The following CRYBG1 variants were observed in gnomAD, a reference collection of about 807,000 sequenced individuals.
CRYBG1 encodes the protein beta/gamma crystallin domain-containing protein 1.
A neutral mutation model predicts 189.2 loss-of-function variants in CRYBG1; 139 were observed. The observed-to-expected ratio is 0.73, with a 90% CI of 0.64 to 0.85. CRYBG1 has a LOEUF of 0.85. CRYBG1 is among the 40% of genes least tolerant of loss of function. The pLI is 0.00. For missense variants in CRYBG1, 2,611 were observed against 2,675.8 expected (o/e 0.98, Z 0.53); for synonymous variants, 1,023 against 1,017.1 (o/e 1.01, Z -0.11).
chr6:106,542,957 T>C (rs1451252568), intron 10 of CRYBG1, among the ~76,000 whole-genome samples: 1 of 150,258 alleles, frequency 6.7e-6, no homozygotes. Flanking sequence ...CCTAGTTAAT[T>C]TTTTAAAATA....
chr6:106,401,080 CT>C (rs1048068379), intron 1 of CRYBG1, among the ~76,000 whole-genome samples: 3 of 152,140 alleles, frequency 2.0e-5, no homozygotes, highest in Admixed American at 6.5e-5. Context: ...CATCCAATGG[CT>C]TTTGGGTCAT....
chr6:106,484,598 G>A (rs1347113918), intron 2 of CRYBG1, among the ~76,000 whole-genome samples: 3 of 152,164 alleles, frequency 2.0e-5, no homozygotes, highest in African/African-American at 7.2e-5. Context: ...GGGATTACAG[G>A]TGTGAGCCAC....
At chr6:106,404,120 A>C (rs1237307081) in intron 1 of CRYBG1, among the ~76,000 whole-genome samples, 1 of 152,220 alleles carries the variant, frequency 6.6e-6, no homozygotes, top group Non-Finnish European at 1.5e-5. Flanking sequence ...TTTTCACAGC[A>C]AGCTATGGAG....
intron 2 of CRYBG1, among the ~76,000 whole-genome samples, chr6:106,471,019 A>C (rs1772223566): frequency 1.3e-5 from 2 of 152,212 alleles, no homozygotes; most frequent in African/African-American, 4.8e-5. Context: ...AAATAACCCA[A>C]ATACACATTG....
At position 106,512,950 on chromosome 6, in the gene CRYBG1, C is replaced by T. The variant is rs139264421; in HGVS notation, c.1833C>T (p.Ala611=). Residue 611 remains alanine (A), a synonymous_variant, in exon 3 of 22, where the codon GCC becomes GCT. Coordinates refer to ENST00000633556, the MANE Select transcript of CRYBG1 (RefSeq NM_001371242.2). ...GGRSRELGRA[A]GAPGASDADG... is the part of the protein sequence containing the mutation. The stretch of plus-strand genomic sequence containing the variant: ...GAAGCAGAGAGCTGGGCAGAGCGGC[C>T]GGAGCGCCTGGAGCTTCTGACGCCG... The T allele has an allele frequency of 3.4e-5, 54 of 1,610,686 alleles. No individual in the cohort carries two copies. In the African/African-American group the frequency reaches 4.9e-4, roughly 15 times the overall value.
At chr6:106,507,594 G>T (rs1330156486) in intron 2 of CRYBG1, among the ~76,000 whole-genome samples, 27 of 152,234 alleles carry the variant, frequency 1.8e-4, no homozygotes, top group Non-Finnish European at 1.2e-4. Flanking sequence ...TGGGTCTGTG[G>T]CTTCCCATCC....
intron 8 of CRYBG1, among the ~76,000 whole-genome samples, chr6:106,537,127 T>C (rs1774022479): frequency 6.6e-6 from 1 of 152,216 alleles, no homozygotes; most frequent in East Asian, 1.9e-4. Context: ...TCCATGAATG[T>C]TATGCAACTA....
In CRYBG1 at chr6:106,563,770, G is replaced by C; in HGVS notation, c.6145G>C (p.Glu2049Gln). The part of the protein sequence containing the change: ...QEGCIKCRIA[E>Q]DCCLTIVGSL... Reference sequence around the variant, plus strand: ...GGTCTTTTCCACTGAGCAGATAGCAGAAGACTGCTGCCTGACGATTGTGGG... The same window carrying C: ...GGTCTTTTCCACTGAGCAGATAGCACAAGACTGCTGCCTGACGATTGTGGG... The change falls in exon 21 of 22, where the codon GAA becomes CAA. Residue 2049 changes from glutamate to glutamine, a missense_variant. Physicochemically the swap from Glu to Gln is conservative, Grantham distance 29 (BLOSUM62 2). Coordinates refer to ENST00000633556, the MANE Select transcript of CRYBG1 (RefSeq NM_001371242.2). The C allele has an allele frequency of 6.2e-7, 1 of 1,606,244 alleles. No individual in the cohort carries two copies. The highest frequency in any genetic ancestry group is 8.5e-7 in the Non-Finnish European group (1 of 1,173,242).
At chr6:106,557,823 A>T (rs1774591372) in intron 17 of CRYBG1, among the ~76,000 whole-genome samples, 1 of 152,230 alleles carries the variant, frequency 6.6e-6, no homozygotes. Flanking sequence ...AATTTGAAAA[A>T]ACAGGCATAA....
At position 106,525,196 on chromosome 6, in the gene CRYBG1, G is replaced by A. The variant is rs370047327; in HGVS notation, c.4293+16G>A. ...ACCTGGAAAGGTAAGATTATTTTCTGTTTCTAGTCTTGATTCTATTTTGGT... is the reference window on the plus strand; with the variant it reads ...ACCTGGAAAGGTAAGATTATTTTCTATTTCTAGTCTTGATTCTATTTTGGT... On this transcript the variant is annotated intron_variant, in intron 5 of 21. Transcript: ENST00000633556. 36 of 1,613,944 alleles carry A rather than the reference G, an allele frequency of 2.2e-5. No homozygotes were observed. Among genetic ancestry groups the A allele is most frequent in the Non-Finnish European group, 3.0e-5 (35 of 1,179,972 alleles).
intron 10 of CRYBG1, among the ~76,000 whole-genome samples, chr6:106,542,761 G>T (rs1774162743): frequency 6.7e-6 from 1 of 149,270 alleles, no homozygotes; most frequent in Admixed American, 6.7e-5. Flanking sequence ...AAGCGGTTCT[G>T]CCTCAGCCTC....
At chr6:106,363,411 G>T (rs938139936) in intron 1 of CRYBG1, among the ~76,000 whole-genome samples, 2 of 152,058 alleles carry the variant, frequency 1.3e-5, no homozygotes, top group Non-Finnish European at 2.9e-5. Context: ...CTGTCTTTGG[G>T]ATGTTTTTCT....
chr6:106,499,827 C>T (rs927608576), intron 2 of CRYBG1, among the ~76,000 whole-genome samples: 1 of 152,106 alleles, frequency 6.6e-6, no homozygotes, highest in Admixed American at 6.6e-5. Context: ...CCAAACTTCC[C>T]CCAACTCACA....
At chr6:106,455,475 A>C (rs1355884888) in intron 2 of CRYBG1, among the ~76,000 whole-genome samples, 1 of 151,368 alleles carries the variant, frequency 6.6e-6, no homozygotes, top group African/African-American at 2.4e-5. Flanking sequence ...CCCTTTATGA[A>C]TTAAAGTGTT....
intron 1 of CRYBG1, among the ~76,000 whole-genome samples, chr6:106,448,752 T>C (rs1220429909): frequency 2.6e-5 from 4 of 152,218 alleles, no homozygotes; most frequent in Non-Finnish European, 5.9e-5. Flanking sequence ...TTTTTCCTAA[T>C]TGAACCTCAG....
chr6:106,378,387 C>T (rs1389836285), intron 1 of CRYBG1, among the ~76,000 whole-genome samples: 1 of 152,208 alleles, frequency 6.6e-6, no homozygotes, highest in Non-Finnish European at 1.5e-5. Context: ...AGTGTGGGGC[C>T]TGTAGATCCC....
intron 1 of CRYBG1, among the ~76,000 whole-genome samples, chr6:106,409,459 A>G (rs1382244182): frequency 6.6e-6 from 1 of 152,144 alleles, no homozygotes; most frequent in African/African-American, 2.4e-5. Context: ...AAAGTAATTT[A>G]TAGATTGAAT....
At chr6:106,557,165 CAATAA>C (rs1385200657) in intron 17 of CRYBG1, among the ~76,000 whole-genome samples, 3 of 152,156 alleles carry the variant, frequency 2.0e-5, no homozygotes, top group Admixed American at 2.0e-4. Flanking sequence ...CTCAAAAGTG[CAATAA>C]AAGTGCAAAG....
intron 1 of CRYBG1, among the ~76,000 whole-genome samples, chr6:106,435,757 G>A (rs193285060): frequency 1.7e-3 from 262 of 152,032 alleles, no homozygotes; most frequent in South Asian, 3.9e-3. Flanking sequence ...TGTATTTTTC[G>A]TAGAAATGGG....
Sources: gnomAD v4.1 joint callset for allele counts (sites outside exome capture counted in the v4.1 genomes callset) on GRCh38, gnomAD v4.1.1 for gene constraint, MANE v1.5 for transcripts, NCBI Gene and HGNC (gene_info 2026-07-23, HGNC 2026-07-21) for gene names.